ARHGAP20: variants seen among roughly 807,000 people sequenced by gnomAD.
ARHGAP20 encodes Rho GTPase activating protein 20.
A neutral mutation model predicts 73.7 loss-of-function variants in ARHGAP20; 34 were observed. The ratio of observed to expected loss-of-function variants is 0.46; its 90% CI spans 0.35 to 0.61. ARHGAP20 has a LOEUF of 0.61. Ranked by LOEUF, ARHGAP20 falls within the 20% of genes least tolerant of loss-of-function variation. ARHGAP20 has a pLI of 0.00. For synonymous variants in ARHGAP20, 523 were observed against 518.2 expected (o/e 1.01, Z -0.13); for missense variants, 1,314 against 1,420.9 (o/e 0.92, Z 1.21).
chr11:110,635,380 GTGATTCTAATGCACATTGAAGTT>G (rs1451534399), intron 2 of ARHGAP20, among the ~76,000 whole-genome samples: 1 of 152,108 alleles, frequency 6.6e-6, no homozygotes, highest in African/African-American at 2.4e-5. Context: ...AGCCAGTCAG[GTGATTCTAATGCACATTGAAGTT>G]TGATTCTAAC....
chr11:110,660,816 G>T (rs946249166), intron 2 of ARHGAP20, among the ~76,000 whole-genome samples: 3 of 151,856 alleles, frequency 2.0e-5, no homozygotes, highest in Admixed American at 1.3e-4. Context: ...TTATTTTTAA[G>T]GCCAAATACG....
intron 2 of ARHGAP20, among the ~76,000 whole-genome samples, chr11:110,632,601 T>C (rs189674879): frequency 2.6e-5 from 4 of 152,220 alleles, no homozygotes; most frequent in Admixed American, 6.5e-5. Context: ...GATGGGGTTT[T>C]GCCATGTTGG....
At chr11:110,707,460 G>A (rs1054321341) in intron 1 of ARHGAP20, among the ~76,000 whole-genome samples, 1 of 152,094 alleles carries the variant, frequency 6.6e-6, no homozygotes, top group Non-Finnish European at 1.5e-5. Flanking sequence ...TATATTCTTT[G>A]GAAGTGCCTC....
intron 5 of ARHGAP20, 102 bp downstream of exon 5, chr11:110,615,451 T>C (rs1352898238): frequency 9.2e-7 from 1 of 1,086,596 alleles, no homozygotes; most frequent in African/African-American, 1.6e-5. Context: ...GAACAATTTC[T>C]ACTAAGGAGA....
chr11:110,616,906 T>C (rs1948496909), intron 4 of ARHGAP20, among the ~76,000 whole-genome samples: 1 of 152,160 alleles, frequency 6.6e-6, no homozygotes, highest in Non-Finnish European at 1.5e-5. Context: ...TTAAGACTCT[T>C]AGTATTTTTT....
At chr11:110,648,224 T>TGTG (rs1949260058) in intron 2 of ARHGAP20, among the ~76,000 whole-genome samples, 1 of 51,810 alleles carries the variant, frequency 1.9e-5, no homozygotes, top group African/African-American at 7.9e-5. Flanking sequence ...TATATATGTA[T>TGTG]ATATATATAT....
intron 4 of ARHGAP20, among the ~76,000 whole-genome samples, chr11:110,623,189 T>C (rs942955326): frequency 3.9e-5 from 6 of 152,328 alleles, no homozygotes; most frequent in South Asian, 4.1e-4. Context: ...CATGCCTATC[T>C]TTTAATAAAA....
intron 9 of ARHGAP20, among the ~76,000 whole-genome samples, chr11:110,606,212 T>G (rs1469352774): frequency 6.6e-6 from 1 of 152,196 alleles, no homozygotes; most frequent in African/African-American, 2.4e-5. Flanking sequence ...CTTTTTATAA[T>G]GCAACCATTT....
chr11:110,615,724 G>A, intron 4 of ARHGAP20, 130 bp from the exon 5 acceptor site: 1 of 740,720 alleles, frequency 1.4e-6, no homozygotes, highest in Non-Finnish European at 2.2e-6. Flanking sequence ...CACATAAGCT[G>A]CAACCTTGGC....
chr11:110,689,234 C>A (rs1001995337), intron 2 of ARHGAP20, among the ~76,000 whole-genome samples: 3 of 151,876 alleles, frequency 2.0e-5, no homozygotes, highest in African/African-American at 7.3e-5. Context: ...ATCTCCTAAC[C>A]TCGTGACCCG....
intron 2 of ARHGAP20, among the ~76,000 whole-genome samples, chr11:110,635,142 C>T (rs1433297789): frequency 6.6e-6 from 1 of 151,848 alleles, no homozygotes; most frequent in Non-Finnish European, 1.5e-5. Context: ...GTCTGATCTC[C>T]CCTGGGTATA....
chr11:110,702,072 T>C (rs1330369270), intron 1 of ARHGAP20, among the ~76,000 whole-genome samples: 1 of 152,096 alleles, frequency 6.6e-6, no homozygotes. Context: ...GCGGGCTCTT[T>C]TTTGGTTCCA....
At chr11:110,691,353 A>C (rs1950238802) in intron 1 of ARHGAP20, among the ~76,000 whole-genome samples, 1 of 152,068 alleles carries the variant, frequency 6.6e-6, no homozygotes, top group Non-Finnish European at 1.5e-5. Flanking sequence ...GCAGATGAGT[A>C]AAATTAACCA....
chr11:110,584,357 T>C (rs1947560119), intron 12 of ARHGAP20, among the ~76,000 whole-genome samples: 1 of 149,894 alleles, frequency 6.7e-6, no homozygotes, highest in Non-Finnish European at 1.5e-5. Flanking sequence ...TTGTAAATGA[T>C]CAGTCAGCAA....
intron 2 of ARHGAP20, among the ~76,000 whole-genome samples, chr11:110,686,775 T>A (rs1002247874): frequency 2.6e-5 from 4 of 152,014 alleles, no homozygotes; most frequent in Non-Finnish European, 4.4e-5. Context: ...GATATCTGTA[T>A]CCCACTCCAG....
chr11:110,618,626 T>G (rs1948541519), intron 4 of ARHGAP20, among the ~76,000 whole-genome samples: 1 of 152,192 alleles, frequency 6.6e-6, no homozygotes, highest in Non-Finnish European at 1.5e-5. Context: ...AGTGATAGAG[T>G]ATATGCAGTG....
At chr11:110,642,311 C>T (rs1361669626) in intron 2 of ARHGAP20, among the ~76,000 whole-genome samples, 4 of 152,092 alleles carry the variant, frequency 2.6e-5, no homozygotes. Flanking sequence ...CTGGCTAGCA[C>T]ATCCAGTACT....
In ARHGAP20 at chr11:110,579,171, A is replaced by C; in HGVS notation, c.*199T>G. The C allele has an allele frequency of 7.9e-7, 1 of 1,269,626 alleles. No homozygotes were observed. Among genetic ancestry groups the C allele is most frequent in the Non-Finnish European group, 1.0e-6 (1 of 1,003,778 alleles). 78.6% of individuals were successfully genotyped at this position (1,269,626 alleles called of 1,614,324 possible). A position where few individuals can be genotyped will look rare whatever the true frequency, so the allele number is the denominator to read the frequency against. On this transcript the variant is annotated 3_prime_UTR_variant, in exon 15 of 15. Coordinates refer to ENST00000683387, the MANE Select transcript of ARHGAP20 (RefSeq NM_001384657.1). The stretch of plus-strand genomic sequence containing the variant: ...TTTAATAAGAAAAAGCCTCCCAAAC[A>C]CTTAGGTGACAAAATTTTTAGCATA...
At chr11:110,604,131 C>CA (rs921328683) in intron 9 of ARHGAP20, among the ~76,000 whole-genome samples, 1 of 152,104 alleles carries the variant, frequency 6.6e-6, no homozygotes, top group African/African-American at 2.4e-5. Flanking sequence ...TACTGATCTG[C>CA]AAAATTTTAC....
Sources: gnomAD v4.1 joint callset for allele counts (sites outside exome capture counted in the v4.1 genomes callset) on GRCh38, gnomAD v4.1.1 for gene constraint, MANE v1.5 for transcripts, NCBI Gene and HGNC (gene_info 2026-07-23, HGNC 2026-07-21) for gene names.